SGCZ: variants seen among roughly 807,000 people sequenced by gnomAD.
SGCZ encodes the protein sarcoglycan zeta.
Under a neutral mutation model 41.3 loss-of-function variants are expected in SGCZ, and 40 were observed. That is an observed-to-expected ratio of 0.97 (90% CI 0.75 to 1.26). SGCZ has a LOEUF of 1.26. Ranked by LOEUF, SGCZ falls within the 50% of genes most tolerant of loss-of-function variation. SGCZ has a pLI of 0.00. For synonymous variants in SGCZ, 206 were observed against 137.5 expected (o/e 1.50, Z -3.49); for missense variants, 552 against 369.8 (o/e 1.49, Z -4.04).
chr8:14,710,601 C>G (rs894502889), intron 1 of SGCZ, among the ~76,000 whole-genome samples: 1 of 151,808 alleles, frequency 6.6e-6, no homozygotes, highest in South Asian at 2.1e-4. Context: ...TATACTCTGC[C>G]TTATTTGTGT....
intron 1 of SGCZ, among the ~76,000 whole-genome samples, chr8:14,865,946 T>C (rs758936652): frequency 6.6e-5 from 10 of 152,152 alleles, no homozygotes; most frequent in Non-Finnish European, 1.5e-4. Context: ...AATTTGCCTC[T>C]ATAAGGACCT....
intron 1 of SGCZ, among the ~76,000 whole-genome samples, chr8:14,568,534 T>A (rs1239445220): frequency 6.6e-6 from 1 of 152,122 alleles, no homozygotes; most frequent in Non-Finnish European, 1.5e-5. Context: ...TCTGTTGCTT[T>A]ATGATTTTTT....
At chr8:14,648,348 T>A (rs1305255286) in intron 1 of SGCZ, among the ~76,000 whole-genome samples, 1 of 152,076 alleles carries the variant, frequency 6.6e-6, no homozygotes, top group African/African-American at 2.4e-5. Context: ...TTTCTTCAAA[T>A]CAAGAAAATT....
intron 3 of SGCZ, among the ~76,000 whole-genome samples, chr8:14,238,760 T>A (rs774345035): frequency 6.6e-6 from 1 of 152,132 alleles, no homozygotes; most frequent in South Asian, 2.1e-4. Flanking sequence ...GGGGGACATT[T>A]CGGTGATCAA....
rs542708686 is a variant in SGCZ, at chr8:14,360,913, G to C, written c.235-36709C>G. On this transcript the variant is annotated intron_variant, in intron 2 of 7. Coordinates refer to ENST00000382080, the MANE Select transcript of SGCZ (RefSeq NM_139167.4). ...CCATTCCACATTCTCACCAACAAGGGACGAGTGATCTAGTTTTTCCGCAAG... is the reference window on the plus strand; with the variant it reads ...CCATTCCACATTCTCACCAACAAGGCACGAGTGATCTAGTTTTTCCGCAAG... 1.6e-3 allele frequency among the ~76,000 whole-genome samples: 246 copies of C among 152,198 alleles called. 2 individuals are homozygous for C. The highest frequency in any genetic ancestry group is 5.2e-3 in the African/African-American group (217 of 41,526).
At chr8:14,308,999 C>T (rs1801436661) in intron 3 of SGCZ, 9 of 960,104 alleles carry the variant, frequency 9.4e-6, no homozygotes, top group Admixed American at 4.6e-5. Flanking sequence ...AAACCGCACC[C>T]GGCCTCAGCC....
At chr8:14,314,638 T>G (rs1801655929) in intron 3 of SGCZ, among the ~76,000 whole-genome samples, 1 of 152,084 alleles carries the variant, frequency 6.6e-6, no homozygotes, top group Admixed American at 6.6e-5. Flanking sequence ...CTACAATCAG[T>G]AGGTAAGTGA....
At chr8:14,694,698 A>C (rs1300479759) in intron 1 of SGCZ, among the ~76,000 whole-genome samples, 1 of 152,144 alleles carries the variant, frequency 6.6e-6, no homozygotes, top group Non-Finnish European at 1.5e-5. Context: ...TAAAGAAATA[A>C]CCTTACTGTC....
intron 3 of SGCZ, among the ~76,000 whole-genome samples, chr8:14,297,117 T>A (rs754021064): frequency 6.6e-5 from 10 of 152,024 alleles, no homozygotes; most frequent in Admixed American, 3.9e-4. Flanking sequence ...GAAACGGGGT[T>A]TCGCCATGTT....
chr8:14,602,014 G>T (rs909467290), intron 1 of SGCZ, among the ~76,000 whole-genome samples: 6 of 152,074 alleles, frequency 3.9e-5, no homozygotes, highest in Non-Finnish European at 7.4e-5. Flanking sequence ...CAGCTACTCG[G>T]GAGGCTGAGG....
At chr8:14,982,243 G>C (rs776492531) in intron 1 of SGCZ, among the ~76,000 whole-genome samples, 3 of 152,026 alleles carry the variant, frequency 2.0e-5, no homozygotes, top group Non-Finnish European at 4.4e-5. Flanking sequence ...AGGGCTGCTG[G>C]TTATTGTCTC....
intron 1 of SGCZ, among the ~76,000 whole-genome samples, chr8:14,841,016 T>C (rs570926722): frequency 6.6e-6 from 1 of 152,060 alleles, no homozygotes; most frequent in Non-Finnish European, 1.5e-5. Flanking sequence ...AATAAAGAAA[T>C]TTTATCAATG....
intron 1 of SGCZ, among the ~76,000 whole-genome samples, chr8:15,030,652 C>T (rs1803627790): frequency 6.6e-6 from 1 of 152,090 alleles, no homozygotes; most frequent in Non-Finnish European, 1.5e-5. Flanking sequence ...AGGGATGATT[C>T]CAGGCTCCTC....
chr8:15,070,818 C>T (rs984852226), intron 1 of SGCZ, among the ~76,000 whole-genome samples: 4 of 152,126 alleles, frequency 2.6e-5, no homozygotes, highest in Non-Finnish European at 5.9e-5. Context: ...TTTTAGAGAA[C>T]AACTTAGTAG....
chr8:14,189,455 T>A (rs754491322), intron 4 of SGCZ, among the ~76,000 whole-genome samples: 1 of 152,212 alleles, frequency 6.6e-6, no homozygotes, highest in African/African-American at 2.4e-5. Context: ...TCTGCTTTAT[T>A]CCCAATAATC....
intron 1 of SGCZ, among the ~76,000 whole-genome samples, chr8:14,815,817 A>G (rs1202947843): frequency 6.6e-6 from 1 of 152,200 alleles, no homozygotes; most frequent in Non-Finnish European, 1.5e-5. Context: ...AATAAAACTG[A>G]TGTTATGTGT....
chr8:15,042,086 T>A (rs1159386488), intron 1 of SGCZ, among the ~76,000 whole-genome samples: 3 of 152,170 alleles, frequency 2.0e-5, no homozygotes, highest in Non-Finnish European at 4.4e-5. Flanking sequence ...GTGAGAAAAG[T>A]CATTTGTATT....
intron 1 of SGCZ, among the ~76,000 whole-genome samples, chr8:15,142,194 G>A (rs867813707): frequency 2.0e-4 from 30 of 152,236 alleles, no homozygotes; most frequent in African/African-American, 6.0e-4. Context: ...TTAAGAGGGA[G>A]CAGATGGGTT....
rs376284511 is a variant in SGCZ, at chr8:14,719,882, G to T, written c.40-164956C>A. On this transcript the variant is annotated intron_variant, in intron 1 of 7. Coordinates refer to ENST00000382080, the MANE Select transcript of SGCZ (RefSeq NM_139167.4). The stretch of plus-strand genomic sequence containing the variant: ...AATGAGATCCCATTTGTCAATTTTG[G>T]CTTTTGTTGCCATTGCTTTTGGTGT... Among the ~76,000 whole-genome samples the T allele has an allele frequency of 9.4e-4, 143 of 152,034 alleles. 2 individuals are homozygous for T. In the East Asian group the frequency reaches 0.025, roughly 27 times the overall value.
Sources: gnomAD v4.1 joint callset for allele counts (sites outside exome capture counted in the v4.1 genomes callset) on GRCh38, gnomAD v4.1.1 for gene constraint, MANE v1.5 for transcripts, NCBI Gene and HGNC (gene_info 2026-07-23, HGNC 2026-07-21) for gene names.